Variants in HEATR4 observed in about 807,000 individuals in gnomAD.
HEATR4 encodes the protein HEAT repeat containing 4.
Under a neutral mutation model 108.8 loss-of-function variants are expected in HEATR4, and 95 were observed. That is an observed-to-expected ratio of 0.87 (90% confidence interval 0.74 to 1.04). The LOEUF (loss-of-function observed/expected upper bound fraction) is 1.04, where lower values mean the gene tolerates loss of function less well. Ranked by LOEUF, HEATR4 falls within the 50% of genes least tolerant of loss-of-function variation. The pLI, the probability that HEATR4 is intolerant of heterozygous loss-of-function variation, is 0.00. For missense variants in HEATR4, 1,152 were observed against 1,253.8 expected, an observed-to-expected ratio of 0.92 and a Z score of 1.23; for synonymous variants, 443 against 459.4, an observed-to-expected ratio of 0.96 and a Z score of 0.46.
chr14:73,526,793 A>G (rs1163100794), intron 2 of HEATR4, among the ~76,000 whole-genome samples: 1 of 152,210 alleles, frequency 6.6e-6, no homozygotes, highest in Non-Finnish European at 1.5e-5. Flanking sequence ...AGTGGTAGCT[A>G]AGCAGTTCTG....
intron 17 of HEATR4, 52 bp downstream of exon 17, chr14:73,493,014 T>TTTC: frequency 6.3e-7 from 1 of 1,579,710 alleles, no homozygotes; most frequent in South Asian, 1.2e-5. Flanking sequence ...TTTTTTTTTT[T>TTTC]TCCTTAAACT....
In HEATR4 at chr14:73,514,055, C is replaced by G; in HGVS notation, c.1390G>C (p.Glu464Gln). 6.2e-7 allele frequency: 1 copy of G among 1,614,200 alleles called. No individual in the cohort carries two copies. Among genetic ancestry groups the G allele is most frequent in the Non-Finnish European group, 8.5e-7 (1 of 1,180,038 alleles). Residue 464 changes from glutamate to glutamine, a missense_variant, in exon 6 of 18, where the codon GAA becomes CAA. Coordinates refer to ENST00000553558, the MANE Select transcript of HEATR4 (RefSeq NM_001220484.1). ...ELVVLRRMLKEWKTAWALIIE... is the reference protein window; with the variant it reads ...ELVVLRRMLKQWKTAWALIIE... ...CTCAGAGCCCAGGCAGTCTTCCATT[C>G]CTTCAGCATCCTCCGCAGGACCACC...
chr14:73,568,567 A>C, the HEATR4 span, among the ~76,000 whole-genome samples: 19 of 111,296 alleles, frequency 1.7e-4, no homozygotes, highest in Non-Finnish European at 3.1e-4. Flanking sequence ...CTGTCTCTCA[A>C]AAAAAAAAAG....
At chr14:73,496,759 A>C (rs1490566591) in intron 14 of HEATR4, 80 bp from the exon 15 acceptor site, 2 of 798,350 alleles carry the variant, frequency 2.5e-6, no homozygotes, top group Non-Finnish European at 4.3e-6. Flanking sequence ...TAGGACTTGG[A>C]ATCAGGTAAG....
At chr14:73,616,700 T>G in the HEATR4 span, 1 of 143,186 alleles carries the variant, frequency 7.0e-6, no homozygotes, top group Non-Finnish European at 1.6e-5. Flanking sequence ...CAAAAAAAAA[T>G]TTTTTTTTTA....
chr14:73,592,632 C>T, the HEATR4 span, among the ~76,000 whole-genome samples: 1 of 152,208 alleles, frequency 6.6e-6, no homozygotes, highest in Non-Finnish European at 1.5e-5. Flanking sequence ...ATGGGCGGAT[C>T]ACTTGAGATC....
the HEATR4 span, among the ~76,000 whole-genome samples, chr14:73,575,815 C>A: frequency 6.6e-6 from 1 of 151,766 alleles, no homozygotes; most frequent in Non-Finnish European, 1.5e-5. Flanking sequence ...CATCAATTAA[C>A]AGTGTCTGGT....
intron 10 of HEATR4, among the ~76,000 whole-genome samples, chr14:73,505,893 T>TC (rs1308955903): frequency 1.4e-5 from 2 of 147,088 alleles, no homozygotes; most frequent in East Asian, 2.0e-4. Flanking sequence ...AACGTTTCTT[T>TC]TTTTTTTTTT....
chr14:73,603,708 A>T, the HEATR4 span, among the ~76,000 whole-genome samples: 1 of 151,026 alleles, frequency 6.6e-6, no homozygotes, highest in South Asian at 2.1e-4. Context: ...CTTTCAAAAC[A>T]TTTGATCGAA....
intron 2 of HEATR4, among the ~76,000 whole-genome samples, chr14:73,527,003 G>T (rs1398438947): frequency 1.3e-5 from 2 of 152,094 alleles, no homozygotes; most frequent in African/African-American, 4.8e-5. Flanking sequence ...GGTAACCGGG[G>T]AATTTTCCCT....
the HEATR4 span, chr14:73,619,096 C>T: frequency 1.4e-5 from 16 of 1,166,296 alleles, no homozygotes; most frequent in Non-Finnish European, 1.8e-5. Context: ...CACCACTGCA[C>T]TCCAGCCTGG....
At chr14:73,595,006 G>GGA in the HEATR4 span, 1 of 1,602,992 alleles carries the variant, frequency 6.2e-7, no homozygotes, top group Middle Eastern at 2.2e-4. Flanking sequence ...CACCCAATCT[G>GGA]GATAAGTTAT....
rs777824583 is a variant in HEATR4, at chr14:73,522,413, C to T, written c.740G>A (p.Arg247Gln). 6.8e-6 allele frequency: 11 copies of T among 1,614,112 alleles called. No homozygotes were observed. Among genetic ancestry groups the T allele is most frequent in the African/African-American group, 5.3e-5 (4 of 74,946 alleles). Reference sequence around the variant, plus strand: ...GTCACTGGCAGAGGTAAGCTCATCCCGAATGTGACTCCAGTCGTACTGCTG... The same window carrying T: ...GTCACTGGCAGAGGTAAGCTCATCCTGAATGTGACTCCAGTCGTACTGCTG... ...LRQQYDWSHI[R>Q]DELTSASDLE... The change falls in exon 3 of 18, where the codon CGG becomes CAG. Residue 247 changes from arginine to glutamine, a missense_variant. Arg to Gln is a conservative substitution (Grantham distance 43). Coordinates refer to ENST00000553558, the MANE Select transcript of HEATR4 (RefSeq NM_001220484.1).
chr14:73,478,543 A>T lies in HEATR4; in HGVS notation c.*63T>A. On this transcript the variant is annotated 3_prime_UTR_variant, in exon 18 of 18. Coordinates refer to ENST00000553558, the MANE Select transcript of HEATR4 (RefSeq NM_001220484.1). Reference sequence around the variant, plus strand: ...ACAACAAGATTGTACAGTATCAATTAAAAAGACCCAATGTGACCAGGTCCA... The same window carrying T: ...ACAACAAGATTGTACAGTATCAATTTAAAAGACCCAATGTGACCAGGTCCA... The T allele has an allele frequency of 9.3e-7, 1 of 1,071,454 alleles. No individual in the cohort carries two copies. Among genetic ancestry groups the T allele is most frequent in the Non-Finnish European group, 1.4e-6 (1 of 707,586 alleles). The allele number at this position is 1,071,454 out of a possible 1,614,324, so 66.4% of individuals were successfully genotyped here.
At chr14:73,490,779 C>T (rs1885654504) in intron 17 of HEATR4, among the ~76,000 whole-genome samples, 1 of 152,242 alleles carries the variant, frequency 6.6e-6, no homozygotes, top group Admixed American at 6.5e-5. Flanking sequence ...AAATTGCTCT[C>T]TGAGTGTAGA....
chr14:73,587,275 A>G, the HEATR4 span, among the ~76,000 whole-genome samples: 2 of 151,894 alleles, frequency 1.3e-5, no homozygotes, highest in Non-Finnish European at 2.9e-5. Context: ...GTATTTGCAT[A>G]CTTGTTTGGA....
chr14:73,631,713 G>C, the HEATR4 span: 1 of 156,336 alleles, frequency 6.4e-6, no homozygotes, highest in Non-Finnish European at 1.4e-5. Context: ...GAAGCTCCCT[G>C]ACCACTTATA....
intron 17 of HEATR4, chr14:73,490,948 C>G: frequency 7.8e-7 from 1 of 1,284,126 alleles, no homozygotes; most frequent in Non-Finnish European, 9.9e-7. Context: ...GCACCGCAGC[C>G]GCTGCATTCA....
chr14:73,482,169 T>A (rs1885286237), intron 17 of HEATR4, among the ~76,000 whole-genome samples: 1 of 152,076 alleles, frequency 6.6e-6, no homozygotes, highest in Non-Finnish European at 1.5e-5. Flanking sequence ...GCAGATGACT[T>A]GAGGCCAAGA....
Sources: allele counts gnomAD v4.1 joint callset (sites outside exome capture counted in the v4.1 genomes callset), GRCh38; gene constraint gnomAD v4.1.1; transcripts MANE v1.5; gene names NCBI Gene and HGNC (gene_info 2026-07-23, HGNC 2026-07-21).